CSMD3: variants seen among roughly 807,000 people sequenced by gnomAD.
CSMD3 encodes the protein CUB and Sushi multiple domains 3.
A neutral mutation model predicts 435.2 loss-of-function variants in CSMD3; 177 were observed. The observed-to-expected ratio is 0.41, with a 90% CI of 0.36 to 0.46. The LOEUF is 0.46. Among genes scored for constraint, CSMD3 ranks in the 20% least tolerant of loss-of-function variants. CSMD3 has a pLI of 0.34. For missense variants in CSMD3, 4,265 were observed against 4,504.6 expected (o/e 0.95, Z 1.52); for synonymous variants, 1,656 against 1,520.5 (o/e 1.09, Z -2.07).
intron 1 of CSMD3, among the ~76,000 whole-genome samples, chr8:113,333,484 G>A (rs1369374167): frequency 6.6e-6 from 1 of 151,626 alleles, no homozygotes; most frequent in African/African-American, 2.4e-5. Flanking sequence ...CATTAATTTT[G>A]CTTTCCTGTG....
chr8:113,164,258 C>T (rs1428976395), intron 4 of CSMD3, among the ~76,000 whole-genome samples: 1 of 151,734 alleles, frequency 6.6e-6, no homozygotes, highest in Non-Finnish European at 1.5e-5. Flanking sequence ...CTACATATAT[C>T]ATATTTTTTG....
intron 4 of CSMD3, among the ~76,000 whole-genome samples, chr8:113,105,057 A>C (rs1361586702): frequency 6.6e-6 from 1 of 152,136 alleles, no homozygotes; most frequent in Non-Finnish European, 1.5e-5. Flanking sequence ...TAAGACAAAA[A>C]TATAGGCATT....
intron 12 of CSMD3, among the ~76,000 whole-genome samples, chr8:112,804,179 G>C (rs993941852): frequency 2.1e-4 from 32 of 152,108 alleles, no homozygotes; most frequent in African/African-American, 7.5e-4. Flanking sequence ...ATGGATCCAA[G>C]GGTAGTTCAA....
chr8:113,155,033 A>G (rs975404397), intron 4 of CSMD3, among the ~76,000 whole-genome samples: 1 of 152,164 alleles, frequency 6.6e-6, no homozygotes, highest in South Asian at 2.1e-4. Context: ...AATAACAGAA[A>G]ATGAAATATA....
At chr8:113,357,059 T>C (rs1030874318) in intron 1 of CSMD3, among the ~76,000 whole-genome samples, 1 of 152,156 alleles carries the variant, frequency 6.6e-6, no homozygotes, top group Non-Finnish European at 1.5e-5. Context: ...AAAATATATA[T>C]ACATACATAT....
At chr8:112,481,054 C>T (rs886291236) in intron 31 of CSMD3, among the ~76,000 whole-genome samples, 1 of 152,162 alleles carries the variant, frequency 6.6e-6, no homozygotes, top group Non-Finnish European at 1.5e-5. Flanking sequence ...ATTATGTATG[C>T]AATGATACAG....
At chr8:112,530,773 A>G (rs576463109) in intron 27 of CSMD3, among the ~76,000 whole-genome samples, 13 of 152,202 alleles carry the variant, frequency 8.5e-5, no homozygotes, top group Non-Finnish European at 1.6e-4. Context: ...CATTGGGCAG[A>G]ATTCCAAAGC....
chr8:112,952,609 T>G (rs1444078529), intron 8 of CSMD3, among the ~76,000 whole-genome samples: 1 of 151,460 alleles, frequency 6.6e-6, no homozygotes, highest in Non-Finnish European at 1.5e-5. Context: ...TAGAAACAAA[T>G]TATAGTAAAA....
chr8:113,030,408 T>C (rs2087045383), intron 5 of CSMD3, among the ~76,000 whole-genome samples: 1 of 119,544 alleles, frequency 8.4e-6, no homozygotes, highest in Non-Finnish European at 1.7e-5. Context: ...CAAAACACTT[T>C]GGTACTGGTA....
chr8:113,343,552 G>C (rs928997820), intron 1 of CSMD3, among the ~76,000 whole-genome samples: 2 of 152,214 alleles, frequency 1.3e-5, no homozygotes, highest in East Asian at 1.9e-4. Flanking sequence ...GAAAAATACA[G>C]AAGAACTATC....
At chr8:113,038,988 A>G (rs1234872293) in intron 5 of CSMD3, among the ~76,000 whole-genome samples, 1 of 152,146 alleles carries the variant, frequency 6.6e-6, no homozygotes, top group East Asian at 1.9e-4. Context: ...GCCCAGATAT[A>G]ATTTTTGTCC....
intron 22 of CSMD3, among the ~76,000 whole-genome samples, chr8:112,589,734 A>G (rs1831019387): frequency 6.6e-6 from 1 of 152,194 alleles, no homozygotes; most frequent in Non-Finnish European, 1.5e-5. Flanking sequence ...AGAGAGAAGC[A>G]TGGTTAGTTG....
At chr8:113,315,813 G>A (rs2093905541) in intron 1 of CSMD3, among the ~76,000 whole-genome samples, 1 of 151,406 alleles carries the variant, frequency 6.6e-6, no homozygotes, top group Non-Finnish European at 1.5e-5. Flanking sequence ...CTGCCTCCTG[G>A]GTTCAAGTGA....
intron 31 of CSMD3, among the ~76,000 whole-genome samples, chr8:112,476,881 A>G (rs1819106488): frequency 6.6e-6 from 1 of 152,184 alleles, no homozygotes; most frequent in African/African-American, 2.4e-5. Context: ...CAATTTCTGC[A>G]TGTGCTCTTT....
intron 22 of CSMD3, among the ~76,000 whole-genome samples, chr8:112,624,123 A>C (rs1586830204): frequency 6.6e-6 from 1 of 152,222 alleles, no homozygotes; most frequent in African/African-American, 2.4e-5. Context: ...GAAAAGAATA[A>C]TTTTAATGTT....
intron 4 of CSMD3, among the ~76,000 whole-genome samples, chr8:113,138,904 G>A (rs1368103388): frequency 1.3e-5 from 2 of 150,000 alleles, no homozygotes; most frequent in Non-Finnish European, 3.0e-5. Context: ...AATACTAAAG[G>A]AAATTTAATT....
Position 112,492,681 on chromosome 8 carries a change from T to C in CSMD3, c.5086A>G (p.Lys1696Glu). ...GGATCAAAGCAGGACTCTCGCAGTT[T>C]TGCTGTAAAACAGTGTTAGTATAAC... The part of the protein sequence containing the change: ...YTGFHLEYKA[K>E]LRESCFDPGN... Residue 1696 changes from lysine (K) to glutamate (E), a missense_variant and splice_region_variant, in exon 31 of 71, where the codon AAA becomes GAA. By Grantham distance (56) the Lys-to-Glu change is moderately conservative. Transcript: ENST00000297405. The C allele has an allele frequency of 6.2e-7, 1 of 1,613,144 alleles. No homozygotes were observed. The highest frequency in any genetic ancestry group is 1.1e-5 in the South Asian group (1 of 91,066).
intron 4 of CSMD3, among the ~76,000 whole-genome samples, chr8:113,172,126 A>G (rs919221503): frequency 6.6e-6 from 1 of 152,150 alleles, no homozygotes; most frequent in African/African-American, 2.4e-5. Flanking sequence ...GTAATAAACT[A>G]TCCTTTATTT....
Position 113,275,480 on chromosome 8 carries a change from A to G in CSMD3, c.514+3112T>C, listed in dbSNP as rs1305721992. ...AGTGGGGCCAAGAATTCTAGATTTTAATACAGTCTCCAGATAAAGCTGATG... is the reference window on the plus strand; with the variant it reads ...AGTGGGGCCAAGAATTCTAGATTTTGATACAGTCTCCAGATAAAGCTGATG... On this transcript the variant is annotated intron_variant, in intron 3 of 70. Coordinates refer to ENST00000297405, the MANE Select transcript of CSMD3 (RefSeq NM_198123.2). Among the ~76,000 whole-genome samples, 3 of 152,102 alleles carry G rather than the reference A, an allele frequency of 2.0e-5. No individual in the cohort carries two copies. In the East Asian group the frequency reaches 5.8e-4, roughly 29 times the overall value.
Sources: gnomAD v4.1 joint callset for allele counts (sites outside exome capture counted in the v4.1 genomes callset) on GRCh38, gnomAD v4.1.1 for gene constraint, MANE v1.5 for transcripts, NCBI Gene and HGNC (gene_info 2026-07-23, HGNC 2026-07-21) for gene names.